ERCC8: variants seen among roughly 807,000 people sequenced by gnomAD.
The protein encoded by ERCC8 is DNA excision repair protein ERCC-8.
Under a neutral mutation model 54.9 loss-of-function variants are expected in ERCC8, and 52 were observed. The observed-to-expected ratio is 0.95, with a 90% CI of 0.76 to 1.19. The LOEUF (loss-of-function observed/expected upper bound fraction) is 1.19, where lower values mean the gene tolerates loss of function less well. Among genes scored for constraint, ERCC8 ranks in the 50% most tolerant of loss-of-function variants. The probability of loss-of-function intolerance (pLI) is 0.00; values close to 1 mark genes in which losing one functional copy is unlikely to be tolerated. For missense variants in ERCC8, 514 were observed against 466.1 expected (o/e 1.10, Z -0.95); for synonymous variants, 146 against 157.2 (o/e 0.93, Z 0.53).
chr5:60,883,002 CACAT>C (rs201161101), intron 11 of ERCC8, among the ~76,000 whole-genome samples: 1,892 of 151,522 alleles, frequency 0.012, 44 homozygotes, highest in African/African-American at 0.044. Flanking sequence ...CACACACACA[CACAT>C]GTCTGTAGGT....
At chr5:60,903,740 G>A in intron 5 of ERCC8, 24 bp from the exon 6 acceptor site, 1 of 1,609,292 alleles carries the variant, frequency 6.2e-7, no homozygotes, top group South Asian at 1.1e-5. Flanking sequence ...ACCGGTTTAA[G>A]ATAATTTTAT....
In ERCC8 at chr5:60,869,287, T is replaced by G. The variant is rs1409659422; in HGVS notation, c.*5328A>C. Among the ~76,000 whole-genome samples, 11 of 152,326 alleles carry G rather than the reference T, an allele frequency of 7.2e-5. No individual in the cohort carries two copies. The East Asian group carries it at 2.1e-3, about 29-fold the overall frequency. ...TTAAGTACCTAATTTGAGGTTTTCC[T>G]TTCCATTGTGAAATAGTGATTTTGC... is the stretch of plus-strand genomic sequence containing the variant. On this transcript the variant is annotated 3_prime_UTR_variant, in exon 12 of 12. Transcript: ENST00000676185.
intron 1 of ERCC8, among the ~76,000 whole-genome samples, chr5:60,930,899 C>A (rs1188337953): frequency 6.6e-6 from 1 of 151,694 alleles, no homozygotes; most frequent in Non-Finnish European, 1.5e-5. Flanking sequence ...TTGAGGTCAG[C>A]GATTCAAGAT....
rs78847284 is a variant in ERCC8 at position 60,881,310 on chromosome 5, G to C, written c.1122+6130C>G. Among the ~76,000 whole-genome samples the C allele has an allele frequency of 6.6e-5, 10 of 152,290 alleles. No individual in the cohort carries two copies. The South Asian group carries it at 2.1e-3, about 32-fold the overall frequency. On this transcript the variant is annotated intron_variant, in intron 11 of 11. Transcript: ENST00000676185. ...CACAGTTAGGCTACTCGGCATCAGG[G>C]ACCCACTTGAGGAGGCAGTCTGTCT... is the stretch of plus-strand genomic sequence containing the variant.
chr5:60,920,194 T>C (rs902703967), intron 3 of ERCC8, among the ~76,000 whole-genome samples: 6 of 151,982 alleles, frequency 3.9e-5, no homozygotes, highest in African/African-American at 1.4e-4. Context: ...TTTCTGCTCA[T>C]TTTCTAAGTC....
chr5:60,899,072 C>T (rs1748800967), intron 8 of ERCC8, among the ~76,000 whole-genome samples: 1 of 148,044 alleles, frequency 6.8e-6, no homozygotes, highest in Non-Finnish European at 1.5e-5. Flanking sequence ...GTAGAAACTA[C>T]ATAAAACTAT....
chr5:60,933,510 G>A (rs1319780933), intron 1 of ERCC8, among the ~76,000 whole-genome samples: 1 of 152,064 alleles, frequency 6.6e-6, no homozygotes, highest in Non-Finnish European at 1.5e-5. Context: ...GAGCCACCAT[G>A]CCCAGCCCCT....
At chr5:60,894,904 C>G (rs747827126) in intron 9 of ERCC8, among the ~76,000 whole-genome samples, 3 of 152,036 alleles carry the variant, frequency 2.0e-5, no homozygotes, top group Non-Finnish European at 4.4e-5. Context: ...TGGGCGTGGT[C>G]TCACTCCCGT....
At position 60,893,227 on chromosome 5, in the gene ERCC8, G is replaced by A; in HGVS notation, c.844-2141C>T. The A allele has an allele frequency of 8.0e-6, 8 of 1,000,194 alleles. No homozygotes were observed. The South Asian group carries it at 1.0e-4, about 13-fold the overall frequency. 62.0% of individuals were successfully genotyped at this position (1,000,194 alleles called of 1,614,324 possible). On this transcript the variant is annotated intron_variant, in intron 9 of 11. Coordinates refer to ENST00000676185, the MANE Select transcript of ERCC8 (RefSeq NM_000082.4). ...TATTCTACCACCTCACGGACTCCTTGTAATAAGCCTTCATAGTGGCCTCGT... is the reference window on the plus strand; with the variant it reads ...TATTCTACCACCTCACGGACTCCTTATAATAAGCCTTCATAGTGGCCTCGT...
intron 11 of ERCC8, among the ~76,000 whole-genome samples, chr5:60,882,094 G>A (rs1214496387): frequency 6.6e-6 from 1 of 152,114 alleles, no homozygotes; most frequent in African/African-American, 2.4e-5. Context: ...GCCTACCTCA[G>A]CCTCCCAGAG....
chr5:60,897,633 T>C (rs1430404920), intron 9 of ERCC8, among the ~76,000 whole-genome samples: 1 of 152,164 alleles, frequency 6.6e-6, no homozygotes, highest in Non-Finnish European at 1.5e-5. Flanking sequence ...CATAAGAATA[T>C]AGCACCTTCG....
In ERCC8 at chr5:60,906,549, T is replaced by G. The variant is rs368967813; in HGVS notation, c.400-1676A>C. Among the ~76,000 whole-genome samples, 353 of 151,864 alleles carry G rather than the reference T, an allele frequency of 2.3e-3. 1 individual carries two copies. The highest frequency in any genetic ancestry group is 0.017 in the Middle Eastern group (5 of 294). On this transcript the variant is annotated intron_variant, in intron 4 of 11. Coordinates refer to ENST00000676185, the MANE Select transcript of ERCC8 (RefSeq NM_000082.4). ...TTTGAGACAAGCCTGGCCAACATGG[T>G]GAAACTCCGTCTCTACTTAAAATAT...
At chr5:60,914,625 A>G (rs1199398456) in intron 4 of ERCC8, among the ~76,000 whole-genome samples, 1 of 151,796 alleles carries the variant, frequency 6.6e-6, no homozygotes, top group Non-Finnish European at 1.5e-5. Flanking sequence ...CACTGCCTCT[A>G]CAAAAAGTTA....
intron 11 of ERCC8, among the ~76,000 whole-genome samples, chr5:60,883,327 G>C (rs1487568382): frequency 1.3e-5 from 2 of 152,226 alleles, no homozygotes; most frequent in Non-Finnish European, 2.9e-5. Flanking sequence ...CAGTAAAAAT[G>C]TTGTAGATGG....
At position 60,871,128 on chromosome 5, in the gene ERCC8, T is replaced by C. The variant is rs1392939533; in HGVS notation, c.*3487A>G. On this transcript the variant is annotated 3_prime_UTR_variant, in exon 12 of 12. Transcript: ENST00000676185. Reference sequence around the variant, plus strand: ...ATTTCAGAGGGGAAAAAAAAGATGATATTCAACAACTAAATTGTACAAATT... The same window carrying C: ...ATTTCAGAGGGGAAAAAAAAGATGACATTCAACAACTAAATTGTACAAATT... Among the ~76,000 whole-genome samples, 1 of 152,176 alleles carries C rather than the reference T, an allele frequency of 6.6e-6. No individual in the cohort carries two copies. The highest frequency in any genetic ancestry group is 1.9e-4 in the East Asian group (1 of 5,196).
intron 11 of ERCC8, among the ~76,000 whole-genome samples, chr5:60,881,978 G>C (rs1748248523): frequency 6.6e-6 from 1 of 152,302 alleles, no homozygotes; most frequent in South Asian, 2.1e-4. Flanking sequence ...GACTGGAGCT[G>C]TTCCTATTCG....
At chr5:60,936,977 T>C (rs1291664683) in intron 1 of ERCC8, among the ~76,000 whole-genome samples, 1 of 152,172 alleles carries the variant, frequency 6.6e-6, no homozygotes, top group Non-Finnish European at 1.5e-5. Context: ...GCTCCCTTGA[T>C]TTGGTGCTCT....
At position 60,873,532 on chromosome 5, in the gene ERCC8, C is replaced by A. The variant is rs1466007522; in HGVS notation, c.*1083G>T. Among the ~76,000 whole-genome samples the A allele has an allele frequency of 6.6e-6, 1 of 152,090 alleles. No individual in the cohort carries two copies. Among genetic ancestry groups the A allele is most frequent in the African/African-American group, 2.4e-5 (1 of 41,422 alleles). On this transcript the variant is annotated 3_prime_UTR_variant, in exon 12 of 12. Coordinates refer to ENST00000676185, the MANE Select transcript of ERCC8 (RefSeq NM_000082.4). ...TCTACTGAAAATACAAAAAAATTAA[C>A]CGGGCGCAGTGGCGGGAGCCTGTAA...
chr5:60,881,406 A>T (rs540759295), intron 11 of ERCC8, among the ~76,000 whole-genome samples: 43 of 152,312 alleles, frequency 2.8e-4, no homozygotes, highest in African/African-American at 9.6e-4. Flanking sequence ...GGGACATTTA[A>T]GTCTGCAGAG....
Sources: allele counts gnomAD v4.1 joint callset (sites outside exome capture counted in the v4.1 genomes callset), GRCh38; gene constraint gnomAD v4.1.1; transcripts MANE v1.5; gene names NCBI Gene and HGNC (gene_info 2026-07-23, HGNC 2026-07-21).